Variants in CRPPA observed in about 807,000 individuals in gnomAD.
The protein encoded by CRPPA is CDP-L-ribitol pyrophosphorylase A.
Under a neutral mutation model 52.0 loss-of-function variants are expected in CRPPA, and 43 were observed. That is an observed-to-expected ratio of 0.83 (90% CI 0.65 to 1.07). CRPPA has a LOEUF of 1.07. Among genes scored for constraint, CRPPA ranks in the 50% least tolerant of loss-of-function variants. CRPPA has a pLI of 0.00. For synonymous variants in CRPPA, 250 were observed against 203.5 expected, an observed-to-expected ratio of 1.23 and a Z score of -1.94; for missense variants, 629 against 551.7, an observed-to-expected ratio of 1.14 and a Z score of -1.40.
intron 5 of CRPPA, among the ~76,000 whole-genome samples, chr7:16,285,609 A>G (rs1784408356): frequency 1.3e-5 from 2 of 152,164 alleles, no homozygotes; most frequent in Admixed American, 1.3e-4. Context: ...AATATAAGAA[A>G]GTCTATAGAC....
chr7:16,335,488 A>G (rs1003689180), intron 3 of CRPPA, among the ~76,000 whole-genome samples: 7 of 152,242 alleles, frequency 4.6e-5, no homozygotes, highest in African/African-American at 1.7e-4. Flanking sequence ...AAAGACTACA[A>G]TAACTGAACC....
intron 8 of CRPPA, among the ~76,000 whole-genome samples, chr7:16,254,717 C>T (rs1233214148): frequency 1.4e-5 from 2 of 146,416 alleles, no homozygotes; most frequent in South Asian, 2.2e-4. Context: ...TGCACAGGTA[C>T]CCTAGATCTT....
At chr7:16,413,284 A>G (rs1477149120) in intron 1 of CRPPA, among the ~76,000 whole-genome samples, 2 of 152,206 alleles carry the variant, frequency 1.3e-5, no homozygotes, top group Non-Finnish European at 2.9e-5. Flanking sequence ...GTCAGGCCTC[A>G]GCCTACCTGC....
chr7:16,262,973 G>A lies in CRPPA; in HGVS notation c.934-3961C>T, dbSNP rs1583476389. Among the ~76,000 whole-genome samples, 7 of 152,214 alleles carry A rather than the reference G, an allele frequency of 4.6e-5. No homozygotes were observed. The East Asian group carries it at 1.4e-3, about 29-fold the overall frequency. ...TGTTTTTAAAGCAATGGAGAAGGAA[G>A]ATTTTATGAATGATCTTTATCATAT... On this transcript the variant is annotated intron_variant, in intron 6 of 9. Coordinates refer to ENST00000407010, the MANE Select transcript of CRPPA (RefSeq NM_001101426.4).
intron 9 of CRPPA, among the ~76,000 whole-genome samples, chr7:16,107,147 A>G (rs1782170610): frequency 1.3e-5 from 2 of 152,124 alleles, no homozygotes; most frequent in South Asian, 2.1e-4. Flanking sequence ...GAACATTCAC[A>G]TAATGGGGAA....
intron 3 of CRPPA, among the ~76,000 whole-genome samples, chr7:16,320,102 C>T (rs1237853139): frequency 6.6e-6 from 1 of 152,124 alleles, no homozygotes; most frequent in South Asian, 2.1e-4. Context: ...GTCACCTCTC[C>T]TATTCTTTTG....
At chr7:16,393,333 C>T (rs1444227020) in intron 2 of CRPPA, among the ~76,000 whole-genome samples, 1 of 152,082 alleles carries the variant, frequency 6.6e-6, no homozygotes, top group Non-Finnish European at 1.5e-5. Context: ...GGGACTTGAT[C>T]TAGCAGTATG....
At chr7:16,137,170 G>A (rs1264883454) in intron 9 of CRPPA, among the ~76,000 whole-genome samples, 1 of 152,176 alleles carries the variant, frequency 6.6e-6, no homozygotes, top group Non-Finnish European at 1.5e-5. Flanking sequence ...CTTCATGAAT[G>A]GGATTAGTAT....
chr7:16,228,950 A>ATTTG (rs1782721149), intron 8 of CRPPA, among the ~76,000 whole-genome samples: 1 of 151,884 alleles, frequency 6.6e-6, no homozygotes. Context: ...ATCTATTAAT[A>ATTTG]TTTGCTTCAT....
At chr7:16,353,764 C>G (rs1263596294) in intron 3 of CRPPA, among the ~76,000 whole-genome samples, 1 of 151,970 alleles carries the variant, frequency 6.6e-6, no homozygotes, top group Non-Finnish European at 1.5e-5. Context: ...GCAGGAGAAT[C>G]ACTTGAACCC....
intron 8 of CRPPA, among the ~76,000 whole-genome samples, chr7:16,246,919 C>G (rs1298433419): frequency 6.6e-6 from 1 of 152,216 alleles, no homozygotes; most frequent in African/African-American, 2.4e-5. Context: ...AAGTCACTAG[C>G]TGCATTAGCT....
At chr7:16,283,801 C>G (rs771236354) in intron 5 of CRPPA, among the ~76,000 whole-genome samples, 15 of 151,842 alleles carry the variant, frequency 9.9e-5, no homozygotes, top group Non-Finnish European at 1.8e-4. Flanking sequence ...ATCTGCATGT[C>G]TCACTGGGTT....
intron 8 of CRPPA, among the ~76,000 whole-genome samples, chr7:16,239,176 AAGGCATCCCACTCTGTTTAC>A (rs1349373063): frequency 6.7e-6 from 1 of 149,634 alleles, no homozygotes; most frequent in Non-Finnish European, 1.5e-5. Context: ...GATGCCATCA[AAGGCATCCCACTCTGTTTAC>A]AGATCAGGAT....
chr7:16,345,404 A>C (rs1785986792), intron 3 of CRPPA, among the ~76,000 whole-genome samples: 1 of 152,222 alleles, frequency 6.6e-6, no homozygotes, highest in Admixed American at 6.5e-5. Flanking sequence ...CTGAATCTAC[A>C]TAAAGAGGAC....
chr7:16,282,390 C>T (rs1304198751), intron 5 of CRPPA, among the ~76,000 whole-genome samples: 1 of 151,958 alleles, frequency 6.6e-6, no homozygotes, highest in Non-Finnish European at 1.5e-5. Flanking sequence ...TGCTGTGTAA[C>T]AAATTACTAT....
At chr7:16,369,078 T>C (rs1357087081) in intron 3 of CRPPA, among the ~76,000 whole-genome samples, 2 of 152,160 alleles carry the variant, frequency 1.3e-5, no homozygotes, top group Admixed American at 1.3e-4. Context: ...ACAAAGTCCC[T>C]GTGTAGCAGG....
chr7:16,142,185 C>A (rs1300835850), intron 9 of CRPPA, among the ~76,000 whole-genome samples: 1 of 152,110 alleles, frequency 6.6e-6, no homozygotes, highest in Non-Finnish European at 1.5e-5. Context: ...TGAACTAAAG[C>A]AAAATAATTT....
chr7:16,272,899 AT>A (rs937457839), intron 6 of CRPPA, among the ~76,000 whole-genome samples: 1 of 150,954 alleles, frequency 6.6e-6, no homozygotes, highest in Admixed American at 6.6e-5. Context: ...TCATAGGGTT[AT>A]TTTTTTTCCA....
At chr7:16,161,261 C>T (rs534872599) in intron 9 of CRPPA, among the ~76,000 whole-genome samples, 29 of 152,120 alleles carry the variant, frequency 1.9e-4, no homozygotes, top group African/African-American at 3.4e-4. Context: ...TGTCTTCTGC[C>T]GGTTTTCAAA....
Sources: gnomAD v4.1 joint callset for allele counts (sites outside exome capture counted in the v4.1 genomes callset) on GRCh38, gnomAD v4.1.1 for gene constraint, MANE v1.5 for transcripts, NCBI Gene and HGNC (gene_info 2026-07-23, HGNC 2026-07-21) for gene names.